Variants in LDAH observed in about 807,000 individuals in gnomAD.
The protein encoded by LDAH is lipid droplet-associated hydrolase.
LDAH carries 26 observed loss-of-function variants against 29.6 expected under a neutral mutation model. The ratio of observed to expected loss-of-function variants is 0.88; its 90% CI spans 0.64 to 1.22. LDAH has a LOEUF of 1.22. Among genes scored for constraint, LDAH ranks in the 50% most tolerant of loss-of-function variants. The probability of loss-of-function intolerance (pLI) is 0.00; values close to 1 mark genes in which losing one functional copy is unlikely to be tolerated. For synonymous variants in LDAH, 117 were observed against 133.0 expected, an observed-to-expected ratio of 0.88 and a Z score of 0.83; for missense variants, 344 against 387.3, an observed-to-expected ratio of 0.89 and a Z score of 0.94.
chr2:20,775,572 T>C (rs889030387), intron 3 of LDAH, among the ~76,000 whole-genome samples: 9 of 152,232 alleles, frequency 5.9e-5, no homozygotes, highest in African/African-American at 2.2e-4. Context: ...CATGACTTAA[T>C]TATTTTAGAT....
At chr2:20,807,512 A>C (rs904275773) in intron 1 of LDAH, among the ~76,000 whole-genome samples, 2 of 152,176 alleles carry the variant, frequency 1.3e-5, no homozygotes, top group Non-Finnish European at 2.9e-5. Context: ...AATTGTGTAT[A>C]TATCAGAAAT....
chr2:20,731,447 A>T (rs1166964662), intron 5 of LDAH, among the ~76,000 whole-genome samples: 1 of 152,176 alleles, frequency 6.6e-6, no homozygotes, highest in East Asian at 1.9e-4. Context: ...GCAGAAGTGG[A>T]TGCCTCTTCC....
At chr2:20,805,649 T>C (rs498640) in intron 1 of LDAH, among the ~76,000 whole-genome samples, 150,713 of 152,264 alleles carry the variant, frequency 0.99, 74,601 homozygotes, top group Middle Eastern at 1. Context: ...ACAATCTGTG[T>C]AACTTAGGCA....
intron 4 of LDAH, among the ~76,000 whole-genome samples, chr2:20,755,429 A>G (rs1668277156): frequency 1.3e-5 from 2 of 152,242 alleles, no homozygotes; most frequent in South Asian, 4.1e-4. Flanking sequence ...ACTCATTTTT[A>G]TGCTTATTAC....
intron 6 of LDAH, among the ~76,000 whole-genome samples, chr2:20,699,734 T>C (rs1487857460): frequency 1.3e-5 from 2 of 152,224 alleles, no homozygotes; most frequent in Non-Finnish European, 2.9e-5. Context: ...AATACTAACC[T>C]TGAAATGTCT....
chr2:20,695,623 T>C (rs934125872), intron 6 of LDAH, among the ~76,000 whole-genome samples: 6 of 151,994 alleles, frequency 3.9e-5, no homozygotes, highest in African/African-American at 1.2e-4. Flanking sequence ...CTAATATTTG[T>C]ATTTTTAGTG....
At chr2:20,718,771 A>C (rs1470250289) in intron 5 of LDAH, among the ~76,000 whole-genome samples, 2 of 152,160 alleles carry the variant, frequency 1.3e-5, no homozygotes, top group Non-Finnish European at 2.9e-5. Flanking sequence ...AGGTCACCAA[A>C]AAGTCTCAAC....
intron 6 of LDAH, among the ~76,000 whole-genome samples, chr2:20,692,513 T>C (rs1663105535): frequency 6.6e-6 from 1 of 152,250 alleles, no homozygotes; most frequent in African/African-American, 2.4e-5. Context: ...CTGAATTATC[T>C]GTCTATTCAA....
At chr2:20,697,483 G>C (rs1663575511) in intron 6 of LDAH, among the ~76,000 whole-genome samples, 1 of 152,152 alleles carries the variant, frequency 6.6e-6, no homozygotes, top group Non-Finnish European at 1.5e-5. Context: ...TAACTGATAT[G>C]AACTGGTGCC....
At chr2:20,763,844 A>G (rs993470059) in intron 4 of LDAH, among the ~76,000 whole-genome samples, 1 of 152,262 alleles carries the variant, frequency 6.6e-6, no homozygotes, top group African/African-American at 2.4e-5. Flanking sequence ...TAGATAAAGT[A>G]CTAAGTATTA....
At chr2:20,689,760 T>C (rs1248351476) in intron 6 of LDAH, among the ~76,000 whole-genome samples, 1 of 152,218 alleles carries the variant, frequency 6.6e-6, no homozygotes, top group Admixed American at 6.5e-5. Context: ...CAGGGAACAC[T>C]GCTGAGAAAT....
At chr2:20,750,994 C>T (rs545606996) in intron 4 of LDAH, among the ~76,000 whole-genome samples, 1 of 152,294 alleles carries the variant, frequency 6.6e-6, no homozygotes, top group African/African-American at 2.4e-5. Context: ...ACAATAAACA[C>T]TATGGACCAC....
In LDAH at chr2:20,687,015, C is replaced by T. The variant is rs1662607558; in HGVS notation, c.866G>A (p.Gly289Glu). ...YEDIKKDFPE[G>E]DIRLCEKNIP... is the part of the protein sequence containing the mutation. ...GTTTTTCTCACAGAGTCGAATGTCTCCTTCTGGAAAATCCTTCTTAATGTC... is the reference window on the plus strand; with the variant it reads ...GTTTTTCTCACAGAGTCGAATGTCTTCTTCTGGAAAATCCTTCTTAATGTC... The change falls in exon 7 of 7, where the codon GGA becomes GAA. Residue 289 changes from glycine (G) to glutamate (E), a missense_variant. Physicochemically the swap from Gly to Glu is moderately conservative, Grantham distance 98. Transcript: ENST00000237822. 2.5e-6 allele frequency: 4 copies of T among 1,614,020 alleles called. No individual in the cohort carries two copies. Among genetic ancestry groups the T allele is most frequent in the Non-Finnish European group, 3.4e-6 (4 of 1,179,920 alleles).
intron 4 of LDAH, among the ~76,000 whole-genome samples, chr2:20,768,693 C>G (rs1288819318): frequency 6.6e-6 from 1 of 152,196 alleles, no homozygotes; most frequent in African/African-American, 2.4e-5. Flanking sequence ...CTGGCCAGAA[C>G]AGCAACACCC....
intron 5 of LDAH, among the ~76,000 whole-genome samples, chr2:20,734,064 C>T (rs1293934885): frequency 6.6e-6 from 1 of 152,118 alleles, no homozygotes; most frequent in East Asian, 1.9e-4. Context: ...CTACAAATGT[C>T]TATTAGGTAA....
At chr2:20,766,490 C>T (rs1669045415) in intron 4 of LDAH, among the ~76,000 whole-genome samples, 2 of 152,198 alleles carry the variant, frequency 1.3e-5, no homozygotes, top group Non-Finnish European at 2.9e-5. Context: ...CTGGAGAAAG[C>T]TTGCATAGAG....
At chr2:20,822,672 G>A (rs1673415982) in intron 1 of LDAH, among the ~76,000 whole-genome samples, 1 of 152,148 alleles carries the variant, frequency 6.6e-6, no homozygotes, top group Non-Finnish European at 1.5e-5. Context: ...GAACACTCCC[G>A]GCCCAGAGTT....
At chr2:20,704,414 A>C (rs1258533387) in intron 5 of LDAH, among the ~76,000 whole-genome samples, 1 of 152,224 alleles carries the variant, frequency 6.6e-6, no homozygotes, top group African/African-American at 2.4e-5. Flanking sequence ...GGACCAACTA[A>C]ATTAAAGCAA....
At chr2:20,822,827 C>G (rs1216399458) in intron 1 of LDAH, among the ~76,000 whole-genome samples, 1 of 152,190 alleles carries the variant, frequency 6.6e-6, no homozygotes, top group Non-Finnish European at 1.5e-5. Context: ...AGCGACTGCC[C>G]GGCCTGCAAC....
Sources: gnomAD v4.1 joint callset for allele counts (sites outside exome capture counted in the v4.1 genomes callset) on GRCh38, gnomAD v4.1.1 for gene constraint, MANE v1.5 for transcripts, NCBI Gene and HGNC (gene_info 2026-07-23, HGNC 2026-07-21) for gene names.